The following ABLIM1 variants were observed in gnomAD, a reference collection of about 807,000 sequenced individuals.
ABLIM1 encodes the protein actin-binding LIM protein 1.
A neutral mutation model predicts 107.0 loss-of-function variants in ABLIM1; 40 were observed. The observed-to-expected ratio is 0.37, with a 90% CI of 0.29 to 0.49. ABLIM1 has a LOEUF of 0.49. Ranked by LOEUF, ABLIM1 falls within the 20% of genes least tolerant of loss-of-function variation. The pLI is 0.97. For missense variants in ABLIM1, 857 were observed against 1,008.5 expected, an observed-to-expected ratio of 0.85 and a Z score of 2.04; for synonymous variants, 357 against 357.3, an observed-to-expected ratio of 1.00 and a Z score of 0.01.
chr10:114,627,270 C>T (rs1157881969), intron 1 of ABLIM1, among the ~76,000 whole-genome samples: 1 of 152,124 alleles, frequency 6.6e-6, no homozygotes, highest in Non-Finnish European at 1.5e-5. Flanking sequence ...TATATGTCCA[C>T]ATATCCCCAA....
intron 4 of ABLIM1, among the ~76,000 whole-genome samples, chr10:114,555,552 A>G (rs955272672): frequency 2.6e-5 from 4 of 152,208 alleles, no homozygotes; most frequent in African/African-American, 9.6e-5. Context: ...ACAGAACAAG[A>G]GCATGAGGTG....
At chr10:114,662,380 T>C (rs943414752), upstream of ABLIM1, among the ~76,000 whole-genome samples, 2 of 152,100 alleles carry the variant, frequency 1.3e-5, no homozygotes, top group African/African-American at 2.4e-5. Context: ...AGGGGTGCAA[T>C]TGGACTTCCA....
At chr10:114,532,685 C>A (rs1407243989) in intron 6 of ABLIM1, among the ~76,000 whole-genome samples, 1 of 152,206 alleles carries the variant, frequency 6.6e-6, no homozygotes, top group Non-Finnish European at 1.5e-5. Flanking sequence ...TCAACATAGA[C>A]CCCTCCAAGT....
At chr10:114,649,706 A>G (rs1343591901) in intron 1 of ABLIM1, among the ~76,000 whole-genome samples, 1 of 152,044 alleles carries the variant, frequency 6.6e-6, no homozygotes, top group Non-Finnish European at 1.5e-5. Context: ...CTTCCACCCC[A>G]GGGACAGAAT....
intron 16 of ABLIM1, among the ~76,000 whole-genome samples, chr10:114,444,362 C>T (rs1261553104): frequency 6.6e-6 from 1 of 152,064 alleles, no homozygotes; most frequent in Non-Finnish European, 1.5e-5. Flanking sequence ...CTAAGTCAGG[C>T]TCTGTGTTAG....
At chr10:114,797,417 T>C in the ABLIM1 span, among the ~76,000 whole-genome samples, 2 of 152,332 alleles carry the variant, frequency 1.3e-5, no homozygotes, top group African/African-American at 2.4e-5. Flanking sequence ...ATTGGATACA[T>C]AGTCATCAAA....
At chr10:114,762,582 C>T (rs115972675) in intron 1 of ABLIM1, among the ~76,000 whole-genome samples, 1,949 of 152,270 alleles carry the variant, frequency 0.013, 32 homozygotes, top group African/African-American at 0.043. Context: ...TTACTTACTA[C>T]CAAACAACAT....
At chr10:114,456,855 T>C (rs1275704889) in intron 12 of ABLIM1, among the ~76,000 whole-genome samples, 1 of 151,840 alleles carries the variant, frequency 6.6e-6, no homozygotes, top group Non-Finnish European at 1.5e-5. Context: ...TCTGGCTGAA[T>C]GCTGTCACCA....
At chr10:114,753,526 C>T (rs1360931308) in intron 1 of ABLIM1, among the ~76,000 whole-genome samples, 1 of 152,132 alleles carries the variant, frequency 6.6e-6, no homozygotes, top group African/African-American at 2.4e-5. Context: ...AGTCATAAAA[C>T]ATGAGCAATG....
Position 114,445,344 on chromosome 10 carries a change from G to C in ABLIM1, c.1795C>G (p.Arg599Gly). ...AATTGCTCTTCTTGAAGCTGCCGACGTCTCAGAAGTTCCTCATCATCTTCC... is the reference window on the plus strand; with the variant it reads ...AATTGCTCTTCTTGAAGCTGCCGACCTCTCAGAAGTTCCTCATCATCTTCC... ...REEDDEELLRRRQLQEEQLMK... is the reference protein window; with the variant it reads ...REEDDEELLRGRQLQEEQLMK... The change falls in exon 16 of 23, where the codon CGT becomes GGT. Residue 599 changes from arginine (R) to glycine (G), a missense_variant. Physicochemically the swap from Arg to Gly is moderately radical, Grantham distance 125. Around this residue, in one of 5 missense-constraint regions of ABLIM1, gnomAD observed 103 missense variants for 101.0 expected, o/e 1.02. Coordinates refer to ENST00000533213, the MANE Select transcript of ABLIM1 (RefSeq NM_002313.7). 1 of 1,614,094 alleles carries C rather than the reference G, an allele frequency of 6.2e-7. No individual in the cohort carries two copies. The highest frequency in any genetic ancestry group is 8.5e-7 in the Non-Finnish European group (1 of 1,179,988).
At chr10:114,626,511 C>G (rs1435184229) in intron 1 of ABLIM1, among the ~76,000 whole-genome samples, 1 of 152,180 alleles carries the variant, frequency 6.6e-6, no homozygotes, top group African/African-American at 2.4e-5. Flanking sequence ...ATCCCCAACA[C>G]TGGCTTAAGG....
At chr10:114,599,651 G>A (rs2075791470) in intron 2 of ABLIM1, among the ~76,000 whole-genome samples, 1 of 151,984 alleles carries the variant, frequency 6.6e-6, no homozygotes, top group South Asian at 2.1e-4. Context: ...GCTGGGCACG[G>A]TGGCAGGTAC....
At chr10:114,691,660 A>G (rs948669758) in intron 1 of ABLIM1, among the ~76,000 whole-genome samples, 4 of 152,246 alleles carry the variant, frequency 2.6e-5, no homozygotes, top group African/African-American at 9.6e-5. Flanking sequence ...ATTACTGCAG[A>G]ACAAGGAGAT....
intron 1 of ABLIM1, among the ~76,000 whole-genome samples, chr10:114,651,943 T>C (rs17092207): frequency 0.082 from 12,428 of 152,248 alleles, 987 homozygotes; most frequent in East Asian, 0.44. Context: ...CAGCAGCAGA[T>C]GCCGGTCACT....
chr10:114,787,611 C>T, the ABLIM1 span, among the ~76,000 whole-genome samples: 1 of 146,620 alleles, frequency 6.8e-6, no homozygotes, highest in Non-Finnish European at 1.5e-5. Flanking sequence ...GCCAGCCGCC[C>T]CGTCCGGGAG....
At chr10:114,522,374 C>T (rs1029262005) in intron 6 of ABLIM1, among the ~76,000 whole-genome samples, 3 of 152,138 alleles carry the variant, frequency 2.0e-5, no homozygotes, top group African/African-American at 7.2e-5. Context: ...GTTGCCAGAC[C>T]AGATACATTT....
intron 12 of ABLIM1, 81 bp from the exon 13 acceptor site, chr10:114,453,564 C>T: frequency 8.4e-6 from 10 of 1,192,120 alleles, no homozygotes; most frequent in Non-Finnish European, 1.1e-6. Flanking sequence ...AATAAAAATT[C>T]AAAACAACAG....
At chr10:114,499,890 G>A (rs2060167980) in intron 6 of ABLIM1, among the ~76,000 whole-genome samples, 1 of 152,198 alleles carries the variant, frequency 6.6e-6, no homozygotes, top group Non-Finnish European at 1.5e-5. Context: ...CCTCAACTGG[G>A]AGAGGCTTCC....
At chr10:114,657,576 T>G (rs2079582720) in intron 1 of ABLIM1, among the ~76,000 whole-genome samples, 2 of 152,228 alleles carry the variant, frequency 1.3e-5, no homozygotes, top group Admixed American at 6.5e-5. Flanking sequence ...TTTACTTATC[T>G]TTTGCTAGCC....
Sources: gnomAD v4.1 joint callset for allele counts (sites outside exome capture counted in the v4.1 genomes callset) on GRCh38, gnomAD v4.1.1 for gene constraint, gnomAD v4.1.1 regional missense constraint, MANE v1.5 for transcripts, NCBI Gene and HGNC (gene_info 2026-07-23, HGNC 2026-07-21) for gene names.